The following GPC6 variants were observed in gnomAD, a reference collection of about 807,000 sequenced individuals.
GPC6 encodes the protein glypican-6.
In GPC6, 14 loss-of-function variants were observed where a neutral mutation model predicts 55.2. That is an observed-to-expected ratio of 0.25 (90% CI 0.17 to 0.40). The LOEUF (loss-of-function observed/expected upper bound fraction) is 0.40, where lower values mean the gene tolerates loss of function less well. GPC6 is among the 10% of genes least tolerant of loss of function. GPC6 has a pLI of 1.00. For synonymous variants in GPC6, 278 were observed against 259.6 expected (o/e 1.07, Z -0.68); for missense variants, 641 against 708.5 (o/e 0.90, Z 1.08).
At chr13:94,242,609 T>C (rs28479323) in intron 4 of GPC6, among the ~76,000 whole-genome samples, 2 of 152,098 alleles carry the variant, frequency 1.3e-5, no homozygotes, top group Admixed American at 6.6e-5. Flanking sequence ...GCAGCCTTAA[T>C]GTGATGCACA....
intron 3 of GPC6, among the ~76,000 whole-genome samples, chr13:93,885,893 A>T (rs1566586225): frequency 6.6e-6 from 1 of 152,148 alleles, no homozygotes; most frequent in Non-Finnish European, 1.5e-5. Flanking sequence ...ATGTGCTTGA[A>T]GAGAGATGAG....
intron 3 of GPC6, among the ~76,000 whole-genome samples, chr13:94,014,381 T>C (rs1305703289): frequency 6.6e-6 from 1 of 152,334 alleles, no homozygotes; most frequent in African/African-American, 2.4e-5. Flanking sequence ...TTGATATAAC[T>C]ACATGGGTAA....
intron 4 of GPC6, among the ~76,000 whole-genome samples, chr13:94,061,094 A>G (rs995738499): frequency 6.6e-6 from 1 of 152,206 alleles, no homozygotes; most frequent in African/African-American, 2.4e-5. Flanking sequence ...AAAATATGTA[A>G]GCAATGGAGC....
intron 3 of GPC6, among the ~76,000 whole-genome samples, chr13:94,026,627 A>G (rs1429262146): frequency 6.6e-6 from 1 of 152,136 alleles, no homozygotes; most frequent in Non-Finnish European, 1.5e-5. Flanking sequence ...GGTCTCCACT[A>G]TCTTGTATGA....
chr13:93,368,213 A>T (rs999425929), intron 1 of GPC6, among the ~76,000 whole-genome samples: 1 of 151,562 alleles, frequency 6.6e-6, no homozygotes, highest in African/African-American at 2.4e-5. Flanking sequence ...CTCTGAGTCT[A>T]TTCTATCTAA....
intron 6 of GPC6, among the ~76,000 whole-genome samples, chr13:94,353,564 G>C (rs1047987912): frequency 2.0e-5 from 3 of 151,136 alleles, no homozygotes; most frequent in Admixed American, 2.0e-4. Context: ...TGAAAGTCGT[G>C]TGCGAGGAGC....
intron 3 of GPC6, among the ~76,000 whole-genome samples, chr13:93,895,234 G>C (rs866881447): frequency 2.8e-5 from 3 of 108,208 alleles, no homozygotes; most frequent in African/African-American, 1.1e-4. Context: ...GTGTGTGTGT[G>C]TATATATATA....
chr13:93,276,485 A>T (rs986077689), intron 1 of GPC6, among the ~76,000 whole-genome samples: 6 of 135,000 alleles, frequency 4.4e-5, no homozygotes, highest in Admixed American at 1.5e-4. Context: ...AGAGAGAGAG[A>T]GAGAGAGAGA....
At chr13:93,873,798 T>C (rs1889206633) in intron 3 of GPC6, among the ~76,000 whole-genome samples, 1 of 151,910 alleles carries the variant, frequency 6.6e-6, no homozygotes, top group South Asian at 2.1e-4. Context: ...CATCCCTAAT[T>C]CTAGTAAGGC....
At chr13:93,904,063 C>T (rs1212885385) in intron 3 of GPC6, among the ~76,000 whole-genome samples, 1 of 152,064 alleles carries the variant, frequency 6.6e-6, no homozygotes, top group Admixed American at 6.6e-5. Flanking sequence ...TGGATGACAA[C>T]AGGCTGCCCA....
intron 1 of GPC6, among the ~76,000 whole-genome samples, chr13:93,457,302 C>G (rs1878491531): frequency 6.6e-6 from 1 of 152,172 alleles, no homozygotes; most frequent in Non-Finnish European, 1.5e-5. Flanking sequence ...CCCTACTCCA[C>G]TATGACCTTA....
chr13:93,931,670 G>A (rs1594598197), intron 3 of GPC6, among the ~76,000 whole-genome samples: 2 of 150,930 alleles, frequency 1.3e-5, no homozygotes, highest in Non-Finnish European at 2.9e-5. Flanking sequence ...AGGCTGAGGC[G>A]GAAGAGTCAC....
intron 2 of GPC6, among the ~76,000 whole-genome samples, chr13:93,812,280 T>A (rs1316727064): frequency 6.6e-6 from 1 of 152,002 alleles, no homozygotes; most frequent in African/African-American, 2.4e-5. Flanking sequence ...TCCCAGCTAC[T>A]TGGGAGGCTG....
At chr13:93,594,270 A>G (rs1877627762) in intron 2 of GPC6, among the ~76,000 whole-genome samples, 1 of 151,842 alleles carries the variant, frequency 6.6e-6, no homozygotes, top group African/African-American at 2.4e-5. Context: ...TCACCCAGGT[A>G]TTAAGCTTAG....
chr13:94,383,000 C>T (rs562260053), intron 7 of GPC6, among the ~76,000 whole-genome samples: 4 of 152,014 alleles, frequency 2.6e-5, no homozygotes, highest in East Asian at 3.9e-4. Context: ...TCATTGGCAA[C>T]GTAACAGAAA....
chr13:94,238,051 G>C (rs896349095), intron 4 of GPC6, among the ~76,000 whole-genome samples: 1 of 152,148 alleles, frequency 6.6e-6, no homozygotes, highest in African/African-American at 2.4e-5. Flanking sequence ...TCCTGTGAAG[G>C]TTGAGGAGAG....
chr13:93,455,842 C>A (rs915506955), intron 1 of GPC6, among the ~76,000 whole-genome samples: 3 of 152,094 alleles, frequency 2.0e-5, no homozygotes, highest in African/African-American at 4.8e-5. Flanking sequence ...AAGACACAAC[C>A]CTCTCAAATA....
At chr13:94,025,912 A>G (rs1882878845) in intron 3 of GPC6, among the ~76,000 whole-genome samples, 1 of 152,174 alleles carries the variant, frequency 6.6e-6, no homozygotes. Context: ...AATGAAAAGG[A>G]TATTACTCTG....
Position 93,361,248 on chromosome 13 carries a change from G to A in GPC6, c.160+133632G>A, listed in dbSNP as rs548745991. Among the ~76,000 whole-genome samples the A allele has an allele frequency of 7.9e-5, 12 of 152,184 alleles. 1 individual carries two copies. The South Asian group carries it at 2.5e-3, about 32-fold the overall frequency. ...ACATAGGCCCTAGGAACCAAGATGA[G>A]TTTCCCGCTCAAACAGAGAAAATGT... On this transcript the variant is annotated intron_variant, in intron 1 of 8. Transcript: ENST00000377047.
Sources: gnomAD v4.1 joint callset for allele counts (sites outside exome capture counted in the v4.1 genomes callset) on GRCh38, gnomAD v4.1.1 for gene constraint, MANE v1.5 for transcripts, NCBI Gene and HGNC (gene_info 2026-07-23, HGNC 2026-07-21) for gene names.